Variants in ANO3 observed in about 807,000 individuals in gnomAD.
ANO3 encodes the protein anoctamin-3.
ANO3 carries 99 observed loss-of-function variants against 144.8 expected under a neutral mutation model. That is an observed-to-expected ratio of 0.68 (90% CI 0.58 to 0.81). ANO3 has a LOEUF of 0.81. Among genes scored for constraint, ANO3 ranks in the 30% least tolerant of loss-of-function variants. ANO3 has a pLI of 0.00. For missense variants in ANO3, 905 were observed against 1,202.2 expected (o/e 0.75, Z 3.66); for synonymous variants, 414 against 392.6 (o/e 1.05, Z -0.64).
At chr11:26,244,475 C>T (rs778427236) in intron 1 of ANO3, among the ~76,000 whole-genome samples, 3 of 152,272 alleles carry the variant, frequency 2.0e-5, no homozygotes, top group South Asian at 2.1e-4. Flanking sequence ...CCACTACAAA[C>T]GAAACTGCCA....
At chr11:26,633,891 C>T (rs1852863432) in intron 18 of ANO3, among the ~76,000 whole-genome samples, 1 of 151,828 alleles carries the variant, frequency 6.6e-6, no homozygotes, top group African/African-American at 2.4e-5. Context: ...CCGTGGCGAA[C>T]ATGGTGAAAC....
chr11:26,470,327 A>T (rs1332741629), intron 4 of ANO3, among the ~76,000 whole-genome samples: 1 of 151,444 alleles, frequency 6.6e-6, no homozygotes, highest in Non-Finnish European at 1.5e-5. Flanking sequence ...CAGGAGGATC[A>T]CTTGAGCCTG....
chr11:26,401,016 C>T (rs893234067), intron 1 of ANO3, among the ~76,000 whole-genome samples: 8 of 151,934 alleles, frequency 5.3e-5, no homozygotes, highest in Admixed American at 2.0e-4. Flanking sequence ...CATTTTGATA[C>T]GTTTCTATGG....
At position 26,656,137 on chromosome 11, in the gene ANO3, A is replaced by C; in HGVS notation, c.2589A>C (p.Gly863=). 6.2e-7 allele frequency: 1 copy of C among 1,613,202 alleles called. No homozygotes were observed. The highest frequency in any genetic ancestry group is 1.1e-5 in the South Asian group (1 of 90,974). Residue 863 remains glycine, a synonymous_variant, in exon 25 of 27, where the codon GGA becomes GGC. Transcript: ENST00000256737. ...HVEPSENCLK[G]YVNNSLSFFD... Reference sequence around the variant, plus strand: ...TCTTTTCTCCCAGTTGCTTGAAGGGATATGTCAACAATAGCCTATCCTTCT... The same window carrying C: ...TCTTTTCTCCCAGTTGCTTGAAGGGCTATGTCAACAATAGCCTATCCTTCT...
intron 17 of ANO3, among the ~76,000 whole-genome samples, chr11:26,604,838 A>G (rs1485717106): frequency 6.6e-6 from 1 of 152,188 alleles, no homozygotes; most frequent in Non-Finnish European, 1.5e-5. Context: ...GGTTTTCTAA[A>G]TGTAGAATCA....
At chr11:26,335,515 A>G (rs951841254) in intron 1 of ANO3, among the ~76,000 whole-genome samples, 1 of 152,112 alleles carries the variant, frequency 6.6e-6, no homozygotes, top group Non-Finnish European at 1.5e-5. Context: ...AACTATCACA[A>G]ACTCTCCTCA....
chr11:26,634,415 C>T (rs1334520165), intron 19 of ANO3, 100 bp downstream of exon 19: 1 of 729,826 alleles, frequency 1.4e-6, no homozygotes, highest in Non-Finnish European at 2.3e-6. Context: ...CTGACAGCCA[C>T]CAGCAGCTAA....
At chr11:26,467,919 C>T (rs1396732926) in intron 4 of ANO3, among the ~76,000 whole-genome samples, 1 of 151,872 alleles carries the variant, frequency 6.6e-6, no homozygotes, top group Admixed American at 6.6e-5. Context: ...CCTGGCCTGA[C>T]TGCAAGCAAA....
intron 1 of ANO3, among the ~76,000 whole-genome samples, chr11:26,333,997 A>C (rs1855129932): frequency 6.6e-6 from 1 of 152,206 alleles, no homozygotes; most frequent in South Asian, 2.1e-4. Context: ...GGGATCTGGA[A>C]GCTTCAAATG....
chr11:26,570,658 T>C (rs908704126), intron 14 of ANO3, among the ~76,000 whole-genome samples: 1 of 152,068 alleles, frequency 6.6e-6, no homozygotes, highest in Non-Finnish European at 1.5e-5. Context: ...TTTCTCCAAG[T>C]TGTGTTTGAT....
chr11:26,563,395 C>CTCTCTCTCTCTGTG, intron 14 of ANO3: 2 of 506,042 alleles, frequency 4.0e-6, no homozygotes, highest in African/African-American at 4.1e-5. Flanking sequence ...GTTTCTCTCT[C>CTCTCTCTCTCTGTG]TGTGTGTGTG....
intron 24 of ANO3, among the ~76,000 whole-genome samples, chr11:26,650,782 G>A (rs1200786459): frequency 1.3e-5 from 2 of 152,058 alleles, no homozygotes; most frequent in African/African-American, 4.8e-5. Context: ...ATGCCAAAGC[G>A]TAATGGTCGT....
At chr11:26,546,956 A>C (rs1409257084) in intron 11 of ANO3, among the ~76,000 whole-genome samples, 1 of 151,884 alleles carries the variant, frequency 6.6e-6, no homozygotes, top group Non-Finnish European at 1.5e-5. Flanking sequence ...GATGTGACAT[A>C]ATGGTGCACA....
At chr11:26,560,025 T>A (rs1850224797) in intron 14 of ANO3, 1 of 363,744 alleles carries the variant, frequency 2.7e-6, no homozygotes, top group South Asian at 1.2e-4. Flanking sequence ...ACATATTTTT[T>A]CTACCAAAGG....
At chr11:26,565,613 G>T in intron 14 of ANO3, 2 of 1,612,976 alleles carry the variant, frequency 1.2e-6, no homozygotes, top group Non-Finnish European at 1.7e-6. Flanking sequence ...CTGTTATTCC[G>T]TGGCTGTTGT....
rs990804993 is a variant in ANO3, at chr11:26,661,256, C to G, written c.*812C>G. 1 of 152,558 alleles carries G rather than the reference C, an allele frequency of 6.6e-6. No homozygotes were observed. Among genetic ancestry groups the G allele is most frequent in the African/African-American group, 2.4e-5 (1 of 41,436 alleles). The allele number at this position is 152,558 out of a possible 1,614,324, so 9.5% of individuals were successfully genotyped here. A position where few individuals can be genotyped will look rare whatever the true frequency, so the allele number is the denominator to read the frequency against. On this transcript the variant is annotated 3_prime_UTR_variant, in exon 27 of 27. Coordinates refer to ENST00000256737, the MANE Select transcript of ANO3 (RefSeq NM_031418.4). Reference sequence around the variant, plus strand: ...TATATAGTTTAGAACACAACTAATCCATACTTTATTGTGGAAGGCTGTTTT... The same window carrying G: ...TATATAGTTTAGAACACAACTAATCGATACTTTATTGTGGAAGGCTGTTTT...
At position 26,332,145 on chromosome 11, in the gene ANO3, G is replaced by A. The variant is rs546338763; in HGVS notation, c.-131G>A. The A allele has an allele frequency of 2.6e-6, 4 of 1,554,376 alleles. No individual in the cohort carries two copies. The highest frequency in any genetic ancestry group is 1.4e-5 in the African/African-American group (1 of 73,340). On this transcript the variant is annotated 5_prime_UTR_variant, in exon 1 of 27. Coordinates refer to ENST00000256737, the MANE Select transcript of ANO3 (RefSeq NM_031418.4). ...CGCGTAGCCTGGAGAGCGAAGTGCC[G>A]GCTACAGCAGGTGTCGGATTGCAGT...
chr11:26,303,399 A>G (rs1854283114), intron 1 of ANO3, among the ~76,000 whole-genome samples: 1 of 152,224 alleles, frequency 6.6e-6, no homozygotes, highest in Non-Finnish European at 1.5e-5. Flanking sequence ...TCGCAGCAAC[A>G]AAGATGCAAC....
chr11:26,489,766 G>A (rs995267867), intron 4 of ANO3, among the ~76,000 whole-genome samples: 7 of 152,132 alleles, frequency 4.6e-5, no homozygotes, highest in African/African-American at 1.7e-4. Flanking sequence ...TGACTTGCAT[G>A]GGCCCTGTAA....
Sources: allele counts gnomAD v4.1 joint callset (sites outside exome capture counted in the v4.1 genomes callset), GRCh38; gene constraint gnomAD v4.1.1; transcripts MANE v1.5; gene names NCBI Gene and HGNC (gene_info 2026-07-23, HGNC 2026-07-21).